Variants in DCP1A observed in about 807,000 individuals in gnomAD.
DCP1A encodes decapping mRNA 1A.
In DCP1A, 20 loss-of-function variants were observed where a neutral mutation model predicts 58.0. The ratio of observed to expected loss-of-function variants is 0.34; its 90% CI spans 0.24 to 0.50. DCP1A has a LOEUF of 0.50. DCP1A is among the 20% of genes least tolerant of loss of function. The pLI, the probability that DCP1A is intolerant of heterozygous loss-of-function variation, is 0.98. For missense variants in DCP1A, 613 were observed against 712.2 expected, an observed-to-expected ratio of 0.86 and a Z score of 1.59; for synonymous variants, 285 against 275.1, an observed-to-expected ratio of 1.04 and a Z score of -0.36.
intron 5 of DCP1A, 22 bp from the exon 6 acceptor site, chr3:53,304,312 AAAT>A (rs1553687749): frequency 6.4e-7 from 1 of 1,568,094 alleles, no homozygotes; most frequent in Non-Finnish European, 8.7e-7. Flanking sequence ...TAAAAGAAAA[AAAT>A]ATATCTTGTG....
chr3:53,317,155 T>C (rs1323024143), intron 4 of DCP1A, among the ~76,000 whole-genome samples: 1 of 151,756 alleles, frequency 6.6e-6, no homozygotes, highest in African/African-American at 2.4e-5. Context: ...TGCCTTTTTG[T>C]TGTTGTTGTT....
At chr3:53,317,151 T>G (rs1707837198) in intron 4 of DCP1A, among the ~76,000 whole-genome samples, 1 of 151,900 alleles carries the variant, frequency 6.6e-6, no homozygotes, top group South Asian at 2.1e-4. Flanking sequence ...CCTGTGCCTT[T>G]TTGTTGTTGT....
chr3:53,347,264 G>T (rs2089302949), intron 1 of DCP1A, 119 bp downstream of exon 1: 1 of 1,258,030 alleles, frequency 7.9e-7, no homozygotes, highest in Non-Finnish European at 1.0e-6. Flanking sequence ...GCCAGACCCT[G>T]GCCTCGTCTC....
chr3:53,300,702 C>T (rs1707285516), intron 6 of DCP1A, among the ~76,000 whole-genome samples: 1 of 152,120 alleles, frequency 6.6e-6, no homozygotes, highest in Admixed American at 6.5e-5. Flanking sequence ...GGCTGGAGTG[C>T]AGTGGTGCGA....
chr3:53,342,298 T>A (rs1553692619), intron 2 of DCP1A, 27 bp from the exon 3 acceptor site: 2 of 1,504,412 alleles, frequency 1.3e-6, no homozygotes, highest in African/African-American at 1.4e-5. Flanking sequence ...GAAAAAAAAA[T>A]ATGTAGTTAC....
At chr3:53,321,544 A>G (rs1441765952) in intron 3 of DCP1A, among the ~76,000 whole-genome samples, 1 of 151,882 alleles carries the variant, frequency 6.6e-6, no homozygotes, top group African/African-American at 2.4e-5. Flanking sequence ...ACATGGTGAA[A>G]CCCCGTCTCT....
intron 8 of DCP1A, 61 bp from the exon 9 acceptor site, chr3:53,288,344 T>C (rs1706725465): frequency 7.4e-7 from 1 of 1,358,432 alleles, no homozygotes. Flanking sequence ...AGGCCCAGAA[T>C]AGGGACCATG....
chr3:53,312,109 C>T, intron 5 of DCP1A, 132 bp downstream of exon 5: 1 of 930,630 alleles, frequency 1.1e-6, no homozygotes, highest in Non-Finnish European at 1.6e-6. Context: ...AGTGTGCTAA[C>T]ACGCTCTCTT....
At chr3:53,333,088 A>G (rs1346066446) in intron 3 of DCP1A, 2 of 151,494 alleles carry the variant, frequency 1.3e-5, no homozygotes, top group African/African-American at 4.8e-5. Flanking sequence ...ATCATAACTT[A>G]ATGTCAGTAG....
chr3:53,304,603 T>A (rs1443689947), intron 5 of DCP1A, among the ~76,000 whole-genome samples: 1 of 152,186 alleles, frequency 6.6e-6, no homozygotes, highest in Non-Finnish European at 1.5e-5. Context: ...GATGGAGTCT[T>A]GCTCTGTTGC....
intron 3 of DCP1A, among the ~76,000 whole-genome samples, chr3:53,324,596 A>C (rs146032743): frequency 1.3e-5 from 2 of 152,350 alleles, no homozygotes; most frequent in East Asian, 3.9e-4. Context: ...TGCTATGGCA[A>C]ATGATGGCAC....
At chr3:53,298,589 A>C (rs782799342) in intron 6 of DCP1A, among the ~76,000 whole-genome samples, 3 of 152,252 alleles carry the variant, frequency 2.0e-5, no homozygotes, top group Admixed American at 6.5e-5. Flanking sequence ...CAACAAAAGA[A>C]CCAGACTCCA....
chr3:53,336,845 G>GCTTT, intron 3 of DCP1A, among the ~76,000 whole-genome samples: 1 of 144,296 alleles, frequency 6.9e-6, no homozygotes, highest in Non-Finnish European at 1.5e-5. Flanking sequence ...CCAAAGCCCA[G>GCTTT]ATTTATTTAT....
intron 3 of DCP1A, among the ~76,000 whole-genome samples, chr3:53,341,642 C>T (rs550686047): frequency 1.3e-5 from 2 of 152,216 alleles, no homozygotes; most frequent in Admixed American, 6.5e-5. Flanking sequence ...AAATGTAGTG[C>T]TATTAAATGA....
At chr3:53,329,367 A>G in intron 3 of DCP1A, 1 of 398,606 alleles carries the variant, frequency 2.5e-6, no homozygotes, top group Non-Finnish European at 4.4e-6. Context: ...ACTATGTATC[A>G]AGAGATCGAT....
intron 3 of DCP1A, among the ~76,000 whole-genome samples, chr3:53,339,560 AGTATTAGC>A (rs1430141571): frequency 6.6e-6 from 1 of 152,212 alleles, no homozygotes; most frequent in Non-Finnish European, 1.5e-5. Context: ...AATAAAACCT[AGTATTAGC>A]TTGTTTTCTT....
intron 6 of DCP1A, among the ~76,000 whole-genome samples, chr3:53,297,004 G>A (rs1256477926): frequency 1.3e-5 from 2 of 152,150 alleles, no homozygotes; most frequent in African/African-American, 4.8e-5. Flanking sequence ...ATTATCACCA[G>A]CAATCCAACA....
At chr3:53,323,555 T>C (rs1468872009) in intron 3 of DCP1A, among the ~76,000 whole-genome samples, 1 of 152,064 alleles carries the variant, frequency 6.6e-6, no homozygotes, top group Non-Finnish European at 1.5e-5. Flanking sequence ...ACCAAAACAA[T>C]ACACAGTGAT....
intron 4 of DCP1A, among the ~76,000 whole-genome samples, chr3:53,317,989 T>A (rs887970133): frequency 2.0e-5 from 3 of 152,236 alleles, no homozygotes; most frequent in Non-Finnish European, 4.4e-5. Flanking sequence ...TAATTACTTA[T>A]ATATACTTTC....
Sources: gnomAD v4.1 joint callset for allele counts (sites outside exome capture counted in the v4.1 genomes callset) on GRCh38, gnomAD v4.1.1 for gene constraint, MANE v1.5 for transcripts, NCBI Gene and HGNC (gene_info 2026-07-23, HGNC 2026-07-21) for gene names.